GPC6: variants seen among roughly 807,000 people sequenced by gnomAD.
The protein encoded by GPC6 is glypican-6.
In GPC6, 14 loss-of-function variants were observed where a neutral mutation model predicts 55.2. The ratio of observed to expected loss-of-function variants is 0.25; its 90% CI spans 0.17 to 0.40. GPC6 has a LOEUF of 0.40. GPC6 is among the 10% of genes least tolerant of loss of function. The pLI, the probability that GPC6 is intolerant of heterozygous loss-of-function variation, is 1.00. For missense variants in GPC6, 641 were observed against 708.5 expected (o/e 0.90, Z 1.08); for synonymous variants, 278 against 259.6 (o/e 1.07, Z -0.68).
intron 3 of GPC6, among the ~76,000 whole-genome samples, chr13:93,880,326 T>G (rs981652610): frequency 6.6e-6 from 1 of 151,986 alleles, no homozygotes; most frequent in African/African-American, 2.4e-5. Context: ...AAATGTCCAA[T>G]AATGATAGAC....
intron 4 of GPC6, among the ~76,000 whole-genome samples, chr13:94,151,617 T>C (rs758680866): frequency 1.3e-5 from 2 of 152,128 alleles, no homozygotes; most frequent in Non-Finnish European, 2.9e-5. Context: ...CTGCAAGTCA[T>C]GGAAACTATA....
chr13:93,879,918 A>T (rs1304253470), intron 3 of GPC6, among the ~76,000 whole-genome samples: 2 of 151,384 alleles, frequency 1.3e-5, no homozygotes, highest in Non-Finnish European at 1.5e-5. Flanking sequence ...ATGAACAGAC[A>T]TTTCTCAAAA....
intron 4 of GPC6, among the ~76,000 whole-genome samples, chr13:94,040,849 G>A (rs1260847919): frequency 6.6e-6 from 1 of 151,878 alleles, no homozygotes; most frequent in Admixed American, 6.6e-5. Context: ...AATGAATTGT[G>A]TTGAATGGTT....
chr13:93,705,600 C>A (rs1395303500), intron 2 of GPC6, among the ~76,000 whole-genome samples: 1 of 151,698 alleles, frequency 6.6e-6, no homozygotes, highest in Non-Finnish European at 1.5e-5. Context: ...GAGCATTTTG[C>A]AAGATAGATG....
intron 4 of GPC6, among the ~76,000 whole-genome samples, chr13:94,098,595 A>G (rs1419382345): frequency 6.6e-6 from 1 of 152,196 alleles, no homozygotes; most frequent in Non-Finnish European, 1.5e-5. Context: ...AATGTGGACC[A>G]TAGGACTTCA....
intron 1 of GPC6, among the ~76,000 whole-genome samples, chr13:93,291,532 T>A (rs914976376): frequency 4.6e-5 from 7 of 152,102 alleles, no homozygotes; most frequent in Admixed American, 2.6e-4. Flanking sequence ...CTTAGAATAA[T>A]TTACTTATTT....
intron 3 of GPC6, among the ~76,000 whole-genome samples, chr13:93,930,275 G>GTTTGTTTTTTTTTTT: frequency 8.1e-6 from 1 of 123,854 alleles, no homozygotes; most frequent in South Asian, 2.7e-4. Context: ...GAAACGAAAG[G>GTTTGTTTTTTTTTTT]TTTTTTTTTT....
intron 4 of GPC6, among the ~76,000 whole-genome samples, chr13:94,122,428 T>C (rs1886664719): frequency 6.6e-6 from 1 of 152,084 alleles, no homozygotes; most frequent in Non-Finnish European, 1.5e-5. Flanking sequence ...AAGTGTGTAT[T>C]ATAAATAACT....
intron 2 of GPC6, among the ~76,000 whole-genome samples, chr13:93,633,530 G>A (rs1879562108): frequency 1.3e-5 from 2 of 152,078 alleles, no homozygotes; most frequent in South Asian, 4.2e-4. Context: ...GGACTACTCT[G>A]GAGGCTGAGG....
At chr13:93,301,190 A>G (rs916203901) in intron 1 of GPC6, among the ~76,000 whole-genome samples, 1 of 152,210 alleles carries the variant, frequency 6.6e-6, no homozygotes, top group South Asian at 2.1e-4. Context: ...GTCTTTGATA[A>G]TGGGAATGCA....
chr13:93,747,463 C>G (rs1716690961), intron 2 of GPC6, among the ~76,000 whole-genome samples: 1 of 152,202 alleles, frequency 6.6e-6, no homozygotes, highest in African/African-American at 2.4e-5. Flanking sequence ...TATTCTCCAG[C>G]CTCATCAGAA....
Position 93,485,916 on chromosome 13 carries a change from A to G in GPC6, c.161-59347A>G, listed in dbSNP as rs546252753. ...ACTTAAGACAGATTATTATATCAGC[A>G]AGATCATTATCTGTTATCTTTCTTG... On this transcript the variant is annotated intron_variant, in intron 1 of 8. Transcript: ENST00000377047. Among the ~76,000 whole-genome samples, 7 of 152,304 alleles carry G rather than the reference A, an allele frequency of 4.6e-5. No individual in the cohort carries two copies. In the East Asian group the frequency reaches 1.3e-3, roughly 29 times the overall value.
chr13:93,804,258 T>C (rs1886470708), intron 2 of GPC6, among the ~76,000 whole-genome samples: 1 of 152,186 alleles, frequency 6.6e-6, no homozygotes, highest in Non-Finnish European at 1.5e-5. Flanking sequence ...TTAATAATTC[T>C]CTTTAAAAGT....
At chr13:93,549,620 G>T (rs1875032569) in intron 2 of GPC6, among the ~76,000 whole-genome samples, 1 of 152,138 alleles carries the variant, frequency 6.6e-6, no homozygotes, top group South Asian at 2.1e-4. Flanking sequence ...TCTCTCCAGT[G>T]CTTTCCAGTT....
chr13:94,306,079 G>C lies in GPC6; in HGVS notation c.1108G>C (p.Glu370Gln), dbSNP rs1875929071. ...TACACGTTTCAGGCCCTACAATCCT[G>C]AGGAAAGACCAACAACTGCTGCAGG... ...FNTRFRPYNP[E>Q]ERPTTAAGTS... The change falls in exon 6 of 9, where the codon GAG (glutamate) becomes CAG (glutamine). Residue 370 changes from glutamate to glutamine, a missense_variant. Coordinates refer to ENST00000377047, the MANE Select transcript of GPC6 (RefSeq NM_005708.5). 2 of 1,614,044 alleles carry C rather than the reference G, an allele frequency of 1.2e-6. No homozygotes were observed. Among genetic ancestry groups the C allele is most frequent in the Non-Finnish European group, 1.7e-6 (2 of 1,180,030 alleles).
chr13:94,178,758 C>T (rs1042926389), intron 4 of GPC6, among the ~76,000 whole-genome samples: 6 of 152,120 alleles, frequency 3.9e-5, no homozygotes, highest in Non-Finnish European at 5.9e-5. Flanking sequence ...TCTCAGAGTC[C>T]CACTGTTTAC....
At chr13:93,222,857 T>C (rs1875658448), upstream of GPC6, among the ~76,000 whole-genome samples, 1 of 152,158 alleles carries the variant, frequency 6.6e-6, no homozygotes, top group Non-Finnish European at 1.5e-5. Flanking sequence ...TAAGGCTGGT[T>C]TGGTGACTCA....
intron 4 of GPC6, 91 bp downstream of exon 4, chr13:94,027,985 C>T (rs1882968256): frequency 1.7e-6 from 2 of 1,159,720 alleles, no homozygotes; most frequent in Non-Finnish European, 2.6e-6. Context: ...TTATAAGAAA[C>T]CAGACACAGT....
chr13:93,439,693 AAAAAATAAAAT>A (rs1877710977), intron 1 of GPC6, among the ~76,000 whole-genome samples: 2 of 149,398 alleles, frequency 1.3e-5, no homozygotes, highest in Non-Finnish European at 3.0e-5. Context: ...AAATAAATAA[AAAAAATAAAAT>A]AAAATAAAAT....
Sources: gnomAD v4.1 joint callset for allele counts (sites outside exome capture counted in the v4.1 genomes callset) on GRCh38, gnomAD v4.1.1 for gene constraint, MANE v1.5 for transcripts, NCBI Gene and HGNC (gene_info 2026-07-23, HGNC 2026-07-21) for gene names.